Variants in P3H3 observed in about 807,000 individuals in gnomAD.
The protein encoded by P3H3 is prolyl 3-hydroxylase 3.
Under a neutral mutation model 78.1 loss-of-function variants are expected in P3H3, and 64 were observed. That is an observed-to-expected ratio of 0.82 (90% CI 0.67 to 1.01). The LOEUF is 1.01. Ranked by LOEUF, P3H3 falls within the 50% of genes least tolerant of loss-of-function variation. P3H3 has a pLI of 0.00. For synonymous variants in P3H3, 425 were observed against 416.7 expected (o/e 1.02, Z -0.24); for missense variants, 975 against 982.2 (o/e 0.99, Z 0.10).
intron 6 of P3H3, 87 bp from the exon 7 acceptor site, chr12:6,833,505 G>T: frequency 2.2e-6 from 3 of 1,341,220 alleles, no homozygotes; most frequent in African/African-American, 1.4e-5. Context: ...GGAAACAGAA[G>T]AAACTTAATG....
At position 6,831,648 on chromosome 12, in the gene P3H3, C is replaced by T. The variant is rs11064423; in HGVS notation, c.1123-177C>T. The stretch of plus-strand genomic sequence containing the variant: ...CACTCACACACACTCCCACCCCCTA[C>T]ACCCTTTCCAGTTTAAGTCCAGATG... On this transcript the variant is annotated intron_variant, in intron 5 of 14. Coordinates refer to ENST00000290510, the MANE Select transcript of P3H3 (RefSeq NM_014262.5). The surrounding 1 kb of genome is among the most constrained non-coding windows in gnomAD (Gnocchi z 4.6). Among the ~76,000 whole-genome samples, 10,369 of 152,160 alleles carry T rather than the reference C, an allele frequency of 0.068. 483 individuals are homozygous for T. Among genetic ancestry groups the T allele is most frequent in the East Asian group, 0.15 (764 of 5,176 alleles).
intron 9 of P3H3, among the ~76,000 whole-genome samples, chr12:6,835,855 G>A (rs1362615474): frequency 2.6e-5 from 4 of 152,136 alleles, no homozygotes; most frequent in Non-Finnish European, 5.9e-5. Context: ...GGAGTCACCT[G>A]TAGGAGTGGT....
At chr12:6,838,120 A>T in intron 13 of P3H3, 87 bp downstream of exon 13, 1 of 1,520,924 alleles carries the variant, frequency 6.6e-7, no homozygotes, top group Non-Finnish European at 8.9e-7. Flanking sequence ...AGGCAAATGC[A>T]GGGAAATGGC....
chr12:6,836,999 T>C lies in P3H3; in HGVS notation c.1473T>C (p.Ala491=). The C allele has an allele frequency of 1.9e-6, 3 of 1,610,876 alleles. No homozygotes were observed. The highest frequency in any genetic ancestry group is 2.5e-6 in the Non-Finnish European group (3 of 1,179,366). Residue 491 remains alanine (A), a synonymous_variant, in exon 10 of 15, where the codon GCT becomes GCC. Transcript: ENST00000290510. ...LLQLAKDAAG[A]GARSGYRGRR... ...TTCCTATTTAGGATGCAGCTGGGGC[T>C]GGAGCCAGGTCTGGCTATCGTGGTC...
Position 6,833,654 on chromosome 12 carries a change from GC to G in P3H3, c.1265+14del, listed in dbSNP as rs1555121715. 6.2e-7 allele frequency: 1 copy of G among 1,613,466 alleles called. No individual in the cohort carries two copies. The highest frequency in any genetic ancestry group is 1.3e-5 in the African/African-American group (1 of 75,042). On this transcript the variant is annotated intron_variant, in intron 7 of 14. Coordinates refer to ENST00000290510, the MANE Select transcript of P3H3 (RefSeq NM_014262.5). ...TTAGAGAAAAGCTCAGGTAGGATAT[GC>G]CCCATGGTGGGAGGGGCTTGGCCCG...
chr12:6,837,997 C>A lies in P3H3; in HGVS notation c.1869C>A (p.Asp623Glu), dbSNP rs781807787. 2.1e-5 allele frequency: 33 copies of A among 1,608,796 alleles called. No individual in the cohort carries two copies. The East Asian group carries it at 7.4e-4, about 36-fold the overall frequency. The part of the protein sequence containing the change: ...LYLNDDFQGG[D>E]LFFTEPNALT... ...TCAACGATGACTTCCAGGGTGGGGACCTGTTCTTCACGGAGCCCAACGCCC... is the reference window on the plus strand; with the variant it reads ...TCAACGATGACTTCCAGGGTGGGGAACTGTTCTTCACGGAGCCCAACGCCC... The change falls in exon 13 of 15, where the codon GAC becomes GAA. Residue 623 changes from aspartate (D) to glutamate (E), a missense_variant. Coordinates refer to ENST00000290510, the MANE Select transcript of P3H3 (RefSeq NM_014262.5).
Position 6,830,685 on chromosome 12 carries a change from A to G in P3H3, c.900A>G (p.Glu300=), listed in dbSNP as rs781926203. The G allele has an allele frequency of 1.7e-5, 28 of 1,613,586 alleles. No individual in the cohort carries two copies. The African/African-American group carries it at 3.5e-4, about 20-fold the overall frequency. Residue 300 remains glutamate, a synonymous_variant, in exon 4 of 15, where the codon GAA becomes GAG. Coordinates refer to ENST00000290510, the MANE Select transcript of P3H3 (RefSeq NM_014262.5). The part of the protein sequence containing the change: ...VLQCRQRCVG[E]TATRPGRSFP... The stretch of plus-strand genomic sequence containing the variant: ...AGTGCCGGCAACGCTGTGTGGGGGA[A>G]ACAGCCACACGCCCTGGTCGCAGCT...
chr12:6,835,114 A>G (rs78447315), intron 9 of P3H3, among the ~76,000 whole-genome samples: 5,189 of 152,248 alleles, frequency 0.034, 324 homozygotes, highest in African/African-American at 0.12. Context: ...AGTCAAGCAC[A>G]GGGGTGAGAG....
rs1220681694 is a variant in P3H3, at chr12:6,828,460, C to T, written c.20C>T (p.Pro7Leu). The T allele has an allele frequency of 3.5e-6, 4 of 1,155,666 alleles. No individual in the cohort carries two copies. Among genetic ancestry groups the T allele is most frequent in the South Asian group, 1.5e-5 (1 of 66,336 alleles). 71.6% of individuals were successfully genotyped at this position (1,155,666 alleles called of 1,614,324 possible). A position where few individuals can be genotyped will look rare whatever the true frequency, so the allele number is the denominator to read the frequency against. The change falls in exon 1 of 15, where the codon CCG becomes CTG. Residue 7 changes from proline to leucine, a missense_variant. By Grantham distance (98) the Pro-to-Leu change is moderately conservative (BLOSUM62 -3). Transcript: ENST00000290510. MLRLLR[P>L]LLLLLLLPPP... ...GACATCATGCTCCGGCTCCTCCGGC[C>T]GCTGCTGCTACTGCTGCTGCTGCCT...
rs1943442134 is a variant in P3H3, at chr12:6,830,737, C to T, written c.952C>T (p.Gln318Ter). Residue 318 changes from glutamine (Q) to a stop codon, truncating the protein, a stop_gained, in exon 4 of 15, where the codon CAG (glutamine) becomes TAG (stop). Coordinates refer to ENST00000290510, the MANE Select transcript of P3H3 (RefSeq NM_014262.5). LOFTEE classifies it high-confidence loss of function. ...CCCTGTCCCAGACTTCCTTCCCAAC[C>T]AGCTGAGGCGGCTACATGAGGCCCA... ...SFPVPDFLPNQLRRLHEAHAQ... is the reference protein window; with the variant it reads ...SFPVPDFLPN The T allele has an allele frequency of 6.2e-7, 1 of 1,613,892 alleles. No individual in the cohort carries two copies. The highest frequency in any genetic ancestry group is 1.3e-5 in the African/African-American group (1 of 74,934).
Position 6,837,105 on chromosome 12 carries a change from C to T in P3H3, c.1560+19C>T, listed in dbSNP as rs1364461595. The stretch of plus-strand genomic sequence containing the variant: ...TGCGCAGGTGAGCACAGGAGGCACC[C>T]GGGCCCGTCTGATGCCCAGACCTGG... On this transcript the variant is annotated intron_variant, in intron 10 of 14. Transcript: ENST00000290510. The T allele has an allele frequency of 1.6e-5, 25 of 1,585,058 alleles. No homozygotes were observed. Among genetic ancestry groups the T allele is most frequent in the Middle Eastern group, 1.7e-4 (1 of 6,030 alleles).
chr12:6,830,998 C>A lies in P3H3; in HGVS notation c.986-218C>A, dbSNP rs975171945. 4.8e-6 allele frequency: 4 copies of A among 828,584 alleles called. No homozygotes were observed. The African/African-American group carries it at 6.7e-5, about 14-fold the overall frequency. 51.3% of individuals were successfully genotyped at this position (828,584 alleles called of 1,614,324 possible). A position where few individuals can be genotyped will look rare whatever the true frequency, so the allele number is the denominator to read the frequency against. ...GCTGCTTCTCACCTTCCTTTATTTT[C>A]CCCCCTCTTGCTCTTCTTTGAACTC... On this transcript the variant is annotated intron_variant, in intron 4 of 14. Coordinates refer to ENST00000290510, the MANE Select transcript of P3H3 (RefSeq NM_014262.5).
rs377670387 is a variant in P3H3 at position 6,830,564 on chromosome 12, C to A, written c.853+10C>A. 118 of 1,575,992 alleles carry A rather than the reference C, an allele frequency of 7.5e-5. 3 individuals are homozygous for A. The Middle Eastern group carries it at 1.9e-3, about 25-fold the overall frequency. ...TATGAGGCCATTGCAGGTAAGGGTC[C>A]CGTGTGTGAGGGGGTGGGTCGGTGC... On this transcript the variant is annotated intron_variant, in intron 3 of 14. Transcript: ENST00000290510.
At chr12:6,838,936 G>A (rs1338650346) in intron 13 of P3H3, 64 bp from the exon 14 acceptor site, 1 of 1,461,090 alleles carries the variant, frequency 6.8e-7, no homozygotes, top group Non-Finnish European at 9.2e-7. Flanking sequence ...CTGCTCTAGG[G>A]AGTGAGGGCC....
chr12:6,838,978 G>A, intron 13 of P3H3, 22 bp from the exon 14 acceptor site: 2 of 1,556,864 alleles, frequency 1.3e-6, no homozygotes, highest in Non-Finnish European at 1.7e-6. Flanking sequence ...CCCTGGAGCT[G>A]AACCTGCCCT....
At position 6,830,376 on chromosome 12, in the gene P3H3, G is replaced by C. The variant is rs782454657; in HGVS notation, c.675G>C (p.Glu225Asp). ...AGGCAGCCTATGACACTGGCCTGGA[G>C]CTACTGGGGCGCCAGGAGGCAGGAC... ...PHWAAYDTGL[E>D]LLGRQEAGLA... The change falls in exon 3 of 15, where the codon GAG (glutamate) becomes GAC (aspartate). Residue 225 changes from glutamate (E) to aspartate (D), a missense_variant. Physicochemically the swap from Glu to Asp is conservative, Grantham distance 45. Transcript: ENST00000290510. 1.3e-6 allele frequency: 2 copies of C among 1,584,538 alleles called. No individual in the cohort carries two copies. The highest frequency in any genetic ancestry group is 2.7e-5 in the African/African-American group (2 of 74,224).
rs370202438 is a variant in P3H3 at position 6,839,025 on chromosome 12, G to C, written c.1931G>C (p.Arg644Pro). The C allele has an allele frequency of 6.2e-7, 1 of 1,608,692 alleles. No individual in the cohort carries two copies. The highest frequency in any genetic ancestry group is 1.3e-5 in the African/African-American group (1 of 74,776). ...VTARVRPRCG[R>P]LVAFSSGVEN... ...GCTCGGGTGCGTCCTCGCTGTGGGC[G>C]CCTTGTGGCCTTCAGCTCCGGTGTC... The change falls in exon 14 of 15, where the codon CGC (arginine) becomes CCC (proline). Residue 644 changes from arginine to proline, a missense_variant. Physicochemically the swap from Arg to Pro is moderately radical, Grantham distance 103. Coordinates refer to ENST00000290510, the MANE Select transcript of P3H3 (RefSeq NM_014262.5).
chr12:6,839,221 G>T (rs145530658), intron 14 of P3H3, 76 bp from the exon 15 acceptor site: 1 of 1,569,302 alleles, frequency 6.4e-7, no homozygotes. Flanking sequence ...GCTCACAGTC[G>T]GTGAGGGTCA....
chr12:6,837,503 G>C lies in P3H3; in HGVS notation c.1641G>C (p.Gln547His), dbSNP rs1369939321. ...GCGAGCGGGTGCGGACCTTGACCCAGGCCTACTTCTCCCCGGAACGGCCCC... is the reference window on the plus strand; with the variant it reads ...GCGAGCGGGTGCGGACCTTGACCCACGCCTACTTCTCCCCGGAACGGCCCC... ...EVSERVRTLTQAYFSPERPLH... is the reference protein window; with the variant it reads ...EVSERVRTLTHAYFSPERPLH... The change falls in exon 11 of 15, where the codon CAG (glutamine) becomes CAC (histidine). Residue 547 changes from glutamine to histidine, a missense_variant. Coordinates refer to ENST00000290510, the MANE Select transcript of P3H3 (RefSeq NM_014262.5). 1.1e-5 allele frequency: 17 copies of C among 1,611,838 alleles called. No homozygotes were observed. The highest frequency in any genetic ancestry group is 2.7e-5 in the African/African-American group (2 of 74,874).
Sources: gnomAD v4.1 joint callset for allele counts (sites outside exome capture counted in the v4.1 genomes callset) on GRCh38, gnomAD v4.1.1 for gene constraint, Gnocchi (gnomAD v3.1) non-coding constraint, MANE v1.5 for transcripts, NCBI Gene and HGNC (gene_info 2026-07-23, HGNC 2026-07-21) for gene names.